The following SLC38A8 variants were observed in gnomAD, a reference collection of about 807,000 sequenced individuals.
SLC38A8 encodes amino acid transporter SLC38A8.
In SLC38A8, 65 loss-of-function variants were observed where a neutral mutation model predicts 46.0. The ratio of observed to expected loss-of-function variants is 1.41; its 90% CI spans 1.16 to 1.74. SLC38A8 has a LOEUF of 1.74. Among genes scored for constraint, SLC38A8 ranks in the 40% most tolerant of loss-of-function variants. The pLI, the probability that SLC38A8 is intolerant of heterozygous loss-of-function variation, is 0.00. For missense variants in SLC38A8, 998 were observed against 567.9 expected (o/e 1.76, Z -7.70); for synonymous variants, 447 against 243.7 (o/e 1.83, Z -7.77).
intron 6 of SLC38A8, among the ~76,000 whole-genome samples, chr16:84,025,599 G>GC (rs2085154006): frequency 6.6e-6 from 1 of 152,168 alleles, no homozygotes; most frequent in African/African-American, 2.4e-5. Context: ...ACACTACAGG[G>GC]CTTACCCACC....
intron 4 of SLC38A8, among the ~76,000 whole-genome samples, chr16:84,032,214 A>C (rs755622154): frequency 6.6e-5 from 10 of 152,010 alleles, no homozygotes; most frequent in Non-Finnish European, 1.2e-4. Context: ...TTTGAGACGG[A>C]GTCTCGCTCT....
At chr16:84,012,427 G>C (rs964651934) in intron 10 of SLC38A8, among the ~76,000 whole-genome samples, 2 of 152,242 alleles carry the variant, frequency 1.3e-5, no homozygotes, top group African/African-American at 4.8e-5. Flanking sequence ...AGCATTGTAT[G>C]CCAGGCAGGT....
At chr16:84,026,468 C>A (rs1003816683) in intron 6 of SLC38A8, among the ~76,000 whole-genome samples, 1 of 152,184 alleles carries the variant, frequency 6.6e-6, no homozygotes, top group African/African-American at 2.4e-5. Context: ...CTCAGGTGAT[C>A]CACCCGCCTC....
rs778713267 is a variant in SLC38A8, at chr16:84,033,488, G to C, written c.389-19C>G. On this transcript the variant is annotated intron_variant, in intron 3 of 10. Transcript: ENST00000299709. ...TCACACACTGCCAGAGACACGGGGA[G>C]AGCTGAGCCACAGAGTACAAATGCC... 15 of 1,581,052 alleles carry C rather than the reference G, an allele frequency of 9.5e-6. No individual in the cohort carries two copies. The Admixed American group carries it at 1.8e-4, about 19-fold the overall frequency.
chr16:84,030,506 C>A (rs759226718), intron 5 of SLC38A8, among the ~76,000 whole-genome samples: 1 of 152,004 alleles, frequency 6.6e-6, no homozygotes, highest in African/African-American at 2.4e-5. Flanking sequence ...GACACACAGA[C>A]CTGCCCAGCT....
chr16:84,027,457 C>CT (rs1168731604), intron 6 of SLC38A8, among the ~76,000 whole-genome samples: 1 of 152,244 alleles, frequency 6.6e-6, no homozygotes, highest in Non-Finnish European at 1.5e-5. Context: ...CCTGAGGCCC[C>CT]TCTCACTGAC....
At chr16:84,042,230 A>T (rs2085376552) in intron 1 of SLC38A8, 71 bp from the exon 2 acceptor site, 4 of 1,493,384 alleles carry the variant, frequency 2.7e-6, no homozygotes, top group Non-Finnish European at 3.6e-6. Flanking sequence ...CGATATCCTT[A>T]TTTGTCTCCC....
At chr16:84,030,228 A>C (rs1033602334) in intron 5 of SLC38A8, among the ~76,000 whole-genome samples, 1 of 152,152 alleles carries the variant, frequency 6.6e-6, no homozygotes, top group African/African-American at 2.4e-5. Flanking sequence ...AAGCAGGAAG[A>C]GACAGGAAAG....
intron 6 of SLC38A8, among the ~76,000 whole-genome samples, chr16:84,027,223 G>A (rs556786565): frequency 3.3e-5 from 5 of 152,234 alleles, no homozygotes; most frequent in East Asian, 3.9e-4. Context: ...GGTGACAGGC[G>A]CCTGTAATCC....
intron 3 of SLC38A8, 125 bp from the exon 4 acceptor site, chr16:84,033,594 G>A (rs903014011): frequency 8.9e-7 from 1 of 1,123,398 alleles, no homozygotes; most frequent in East Asian, 2.6e-5. Context: ...GGAGCCCAGG[G>A]ATCAGACGAC....
At chr16:84,020,970 G>A (rs138187181) in intron 7 of SLC38A8, among the ~76,000 whole-genome samples, 5 of 152,260 alleles carry the variant, frequency 3.3e-5, no homozygotes, top group Non-Finnish European at 7.4e-5. Context: ...GCCTGTTCCA[G>A]CATAACGTGA....
At chr16:84,030,617 G>A (rs933737845) in intron 5 of SLC38A8, among the ~76,000 whole-genome samples, 1 of 152,168 alleles carries the variant, frequency 6.6e-6, no homozygotes, top group East Asian at 1.9e-4. Context: ...CTCTAATCCA[G>A]GAAACAGCAT....
At chr16:84,027,792 G>A (rs138707959) in intron 6 of SLC38A8, among the ~76,000 whole-genome samples, 2 of 152,206 alleles carry the variant, frequency 1.3e-5, no homozygotes, top group South Asian at 2.1e-4. Context: ...TGGAGGCAAA[G>A]GTGAGGGGCA....
Position 84,041,933 on chromosome 16 carries a change from G to A in SLC38A8, c.189+36C>T, listed in dbSNP as rs201103447. 5.5e-5 allele frequency: 84 copies of A among 1,530,064 alleles called. No individual in the cohort carries two copies. In the East Asian group the frequency reaches 7.6e-4, roughly 14 times the overall value. 94.8% of individuals were successfully genotyped at this position (1,530,064 alleles called of 1,614,324 possible). On this transcript the variant is annotated intron_variant, in intron 2 of 10. Transcript: ENST00000299709. Reference sequence around the variant, plus strand: ...CACCCAGAAAAGCCAAAGCCACCTCGTACCCGTCCCCAGGACTCACTTCCC... The same window carrying A: ...CACCCAGAAAAGCCAAAGCCACCTCATACCCGTCCCCAGGACTCACTTCCC...
intron 4 of SLC38A8, among the ~76,000 whole-genome samples, chr16:84,032,220 G>C (rs140269848): frequency 1.3e-5 from 2 of 152,080 alleles, no homozygotes; most frequent in African/African-American, 4.8e-5. Context: ...ACGGAGTCTC[G>C]CTCTGTTGCC....
At chr16:84,035,734 C>A (rs1456996245) in intron 3 of SLC38A8, among the ~76,000 whole-genome samples, 3 of 152,200 alleles carry the variant, frequency 2.0e-5, no homozygotes, top group Non-Finnish European at 4.4e-5. Context: ...GATTTAATGC[C>A]AGAGATAAAG....
intron 6 of SLC38A8, among the ~76,000 whole-genome samples, chr16:84,024,061 G>A (rs558926386): frequency 6.6e-6 from 1 of 152,222 alleles, no homozygotes; most frequent in Non-Finnish European, 1.5e-5. Flanking sequence ...GGGGTGTTGT[G>A]CAGTGTCCCT....
At chr16:84,029,116 G>C (rs1044116528) in intron 6 of SLC38A8, among the ~76,000 whole-genome samples, 1 of 152,168 alleles carries the variant, frequency 6.6e-6, no homozygotes, top group Non-Finnish European at 1.5e-5. Flanking sequence ...TGTCCTGCCA[G>C]AGTTAGGTGG....
chr16:84,037,744 CAG>C (rs1169577799), intron 2 of SLC38A8, among the ~76,000 whole-genome samples: 1 of 141,018 alleles, frequency 7.1e-6, no homozygotes, highest in Non-Finnish European at 1.5e-5. Context: ...CTGGGGGATA[CAG>C]AGAGACTGCC....
Sources: allele counts gnomAD v4.1 joint callset (sites outside exome capture counted in the v4.1 genomes callset), GRCh38; gene constraint gnomAD v4.1.1; transcripts MANE v1.5; gene names NCBI Gene and HGNC (gene_info 2026-07-23, HGNC 2026-07-21).